PDE10A: variants seen among roughly 807,000 people sequenced by gnomAD.
The protein encoded by PDE10A is phosphodiesterase 10A.
In PDE10A, 39 loss-of-function variants were observed where a neutral mutation model predicts 97.7. The ratio of observed to expected loss-of-function variants is 0.40; its 90% confidence interval spans 0.31 to 0.52. The LOEUF is 0.52. Ranked by LOEUF, PDE10A falls within the 20% of genes least tolerant of loss-of-function variation. PDE10A has a pLI of 0.56. For missense variants in PDE10A, 731 were observed against 1,047.8 expected (o/e 0.70, Z 4.17); for synonymous variants, 371 against 376.8 (o/e 0.98, Z 0.18).
At chr6:165,472,162 T>G (rs986221086) in intron 3 of PDE10A, among the ~76,000 whole-genome samples, 2 of 152,072 alleles carry the variant, frequency 1.3e-5, no homozygotes, top group Non-Finnish European at 2.9e-5. Flanking sequence ...TTTTTTCAGT[T>G]TTTTCACTAT....
chr6:165,763,891 G>A (rs988328221), intron 1 of PDE10A, among the ~76,000 whole-genome samples: 1 of 152,172 alleles, frequency 6.6e-6, no homozygotes, highest in Non-Finnish European at 1.5e-5. Context: ...TCTCAGCAAT[G>A]CACTTAGAGT....
chr6:165,805,683 C>A (rs79748985), intron 1 of PDE10A, among the ~76,000 whole-genome samples: 1 of 152,294 alleles, frequency 6.6e-6, no homozygotes, highest in Admixed American at 6.5e-5. Flanking sequence ...GAGTCAGGGA[C>A]CCCTCTGGAT....
At chr6:165,421,340 G>T (rs1788680329) in intron 10 of PDE10A, among the ~76,000 whole-genome samples, 1 of 152,150 alleles carries the variant, frequency 6.6e-6, no homozygotes, top group Non-Finnish European at 1.5e-5. Context: ...ACACTCAGGA[G>T]GCTGAGGTGG....
intron 1 of PDE10A, among the ~76,000 whole-genome samples, chr6:165,690,919 G>A (rs904197376): frequency 6.6e-6 from 1 of 152,042 alleles, no homozygotes; most frequent in Non-Finnish European, 1.5e-5. Context: ...TCCCTGGTGG[G>A]GGCCACTGCT....
chr6:165,532,525 T>C (rs1782845622), intron 2 of PDE10A, among the ~76,000 whole-genome samples: 1 of 152,154 alleles, frequency 6.6e-6, no homozygotes, highest in African/African-American at 2.4e-5. Flanking sequence ...CTCTGGGGGT[T>C]TGGAAAGGGT....
At chr6:165,629,247 G>A (rs538752092) in intron 1 of PDE10A, among the ~76,000 whole-genome samples, 1 of 152,134 alleles carries the variant, frequency 6.6e-6, no homozygotes, top group Non-Finnish European at 1.5e-5. Flanking sequence ...CACTCATTAC[G>A]CTTTCTTTGT....
intron 1 of PDE10A, among the ~76,000 whole-genome samples, chr6:165,582,481 C>A (rs1785669796): frequency 6.6e-6 from 1 of 151,900 alleles, no homozygotes. Context: ...ATCAAATGAT[C>A]TAATTGTCAA....
intron 1 of PDE10A, among the ~76,000 whole-genome samples, chr6:165,648,420 GA>G (rs376257570): frequency 1.4e-4 from 21 of 146,502 alleles, no homozygotes; most frequent in Middle Eastern, 3.4e-3. Context: ...ATTAAAAAAA[GA>G]AAAAAAAAAG....
intron 1 of PDE10A, among the ~76,000 whole-genome samples, chr6:165,932,618 G>A (rs955387762): frequency 1.3e-5 from 2 of 152,126 alleles, no homozygotes; most frequent in African/African-American, 4.8e-5. Flanking sequence ...TTACAGGCAT[G>A]AGCCACCGCA....
intron 1 of PDE10A, among the ~76,000 whole-genome samples, chr6:165,883,620 CCTT>C (rs1781549072): frequency 6.6e-6 from 1 of 151,888 alleles, no homozygotes; most frequent in African/African-American, 2.4e-5. Flanking sequence ...TTTCTGGAAA[CCTT>C]ATGTGCATTC....
chr6:165,919,424 C>A (rs1187943774), intron 1 of PDE10A, among the ~76,000 whole-genome samples: 5 of 152,186 alleles, frequency 3.3e-5, no homozygotes, highest in Non-Finnish European at 5.9e-5. Context: ...ATAGCAAGAT[C>A]TTGGTATTCC....
chr6:165,750,915 G>A (rs1792983602), intron 1 of PDE10A, among the ~76,000 whole-genome samples: 1 of 152,194 alleles, frequency 6.6e-6, no homozygotes, highest in South Asian at 2.1e-4. Flanking sequence ...TGTGTCCTAA[G>A]TTGTTGTTGG....
At chr6:165,763,038 G>A (rs1793289497) in intron 1 of PDE10A, among the ~76,000 whole-genome samples, 1 of 152,250 alleles carries the variant, frequency 6.6e-6, no homozygotes, top group Non-Finnish European at 1.5e-5. Flanking sequence ...ACTAATACAT[G>A]TCTTGGGGCA....
chr6:165,373,530 G>A (rs1333830894), intron 18 of PDE10A, among the ~76,000 whole-genome samples: 2 of 152,128 alleles, frequency 1.3e-5, no homozygotes, highest in South Asian at 4.1e-4. Flanking sequence ...ACCACAATGA[G>A]ATACCATCTC....
intron 1 of PDE10A, among the ~76,000 whole-genome samples, chr6:165,633,063 A>G (rs917697594): frequency 1.3e-5 from 2 of 149,536 alleles, no homozygotes; most frequent in African/African-American, 5.0e-5. Context: ...CTGAGAAGAA[A>G]GAAAAGTCAC....
At chr6:165,732,280 T>G (rs1197804416) in intron 1 of PDE10A, among the ~76,000 whole-genome samples, 1 of 152,242 alleles carries the variant, frequency 6.6e-6, no homozygotes, top group Non-Finnish European at 1.5e-5. Context: ...GTCTTTCACC[T>G]ATTTTACCAC....
chr6:165,965,389 G>A (rs975085077), intron 1 of PDE10A, among the ~76,000 whole-genome samples: 5 of 152,134 alleles, frequency 3.3e-5, no homozygotes, highest in African/African-American at 1.2e-4. Context: ...TGAGTCTGGG[G>A]TATAAATCAG....
At chr6:165,392,263 T>G (rs1314278007) in intron 16 of PDE10A, among the ~76,000 whole-genome samples, 1 of 152,236 alleles carries the variant, frequency 6.6e-6, no homozygotes, top group Non-Finnish European at 1.5e-5. Flanking sequence ...AAAACACTTA[T>G]GTCTTCACAG....
chr6:165,676,960 A>C (rs1017869051), intron 1 of PDE10A, among the ~76,000 whole-genome samples: 2 of 152,198 alleles, frequency 1.3e-5, no homozygotes, highest in African/African-American at 4.8e-5. Flanking sequence ...CATTCCCGAG[A>C]AATGAAACTA....
Sources: gnomAD v4.1 joint callset for allele counts (sites outside exome capture counted in the v4.1 genomes callset) on GRCh38, gnomAD v4.1.1 for gene constraint, MANE v1.5 for transcripts, NCBI Gene and HGNC (gene_info 2026-07-23, HGNC 2026-07-21) for gene names.